Variants in CCNF observed in about 807,000 individuals in gnomAD.
The protein encoded by CCNF is cyclin F, also known as cyclin-F.
CCNF carries 30 observed loss-of-function variants against 85.4 expected under a neutral mutation model. That is an observed-to-expected ratio of 0.35 (90% CI 0.26 to 0.48). The LOEUF is 0.48. CCNF is among the 20% of genes least tolerant of loss of function. CCNF has a pLI of 0.99. For synonymous variants in CCNF, 439 were observed against 425.1 expected, an observed-to-expected ratio of 1.03 and a Z score of -0.40; for missense variants, 919 against 1,010.4, an observed-to-expected ratio of 0.91 and a Z score of 1.23.
At chr16:2,438,384 A>C (rs775708444) in intron 6 of CCNF, among the ~76,000 whole-genome samples, 10 of 152,164 alleles carry the variant, frequency 6.6e-5, no homozygotes, top group Non-Finnish European at 1.0e-4. Context: ...TCGAACCTCG[A>C]TGCTCACTCG....
At chr16:2,450,975 C>A (rs960163925) in intron 13 of CCNF, among the ~76,000 whole-genome samples, 4 of 152,220 alleles carry the variant, frequency 2.6e-5, no homozygotes, top group Middle Eastern at 3.2e-3. Flanking sequence ...CCGGATGTGA[C>A]CCCCTGTCTG....
chr16:2,456,443 G>A lies in CCNF; in HGVS notation c.1886-102G>A, dbSNP rs542637539. 2 of 758,400 alleles carry A rather than the reference G, an allele frequency of 2.6e-6. No individual in the cohort carries two copies. The highest frequency in any genetic ancestry group is 5.6e-5 in the East Asian group (2 of 35,838). The allele number at this position is 758,400 out of a possible 1,614,324, so 47.0% of individuals were successfully genotyped here. On this transcript the variant is annotated intron_variant, in intron 16 of 16. Coordinates refer to ENST00000397066, the MANE Select transcript of CCNF (RefSeq NM_001761.3). This position sits in a 1 kb window ranked among gnomAD's most constrained non-coding sequence, Gnocchi z 4.5. Reference sequence around the variant, plus strand: ...GGGTAACACAGGGGACCGTAGCAAGGTAGAAGATTCTTGACCTGGACTTCA... The same window carrying A: ...GGGTAACACAGGGGACCGTAGCAAGATAGAAGATTCTTGACCTGGACTTCA...
rs28754702 is a variant in CCNF at position 2,451,673 on chromosome 16, C to T, written c.1488-1537C>T. Among the ~76,000 whole-genome samples, 7,427 of 152,232 alleles carry T rather than the reference C, an allele frequency of 0.049. 242 individuals are homozygous for T. Among genetic ancestry groups the T allele is most frequent in the Non-Finnish European group, 0.071 (4,829 of 67,984 alleles). On this transcript the variant is annotated intron_variant, in intron 13 of 16. Transcript: ENST00000397066. The surrounding 1 kb of genome is among the most constrained non-coding windows in gnomAD (Gnocchi z 4.3). ...TCAAGGGATTCTTTTGTGTCAGCCT[C>T]CCGAGTAGCAGAAACCACAGGCACC... is the stretch of plus-strand genomic sequence containing the variant.
In CCNF at chr16:2,456,525, C is replaced by T. The variant is rs1328471450; in HGVS notation, c.1886-20C>T. ...TGCTTGGGTGTGACATGACTTCCCT[C>T]CCCACCAACCTTCCTGCAGTGACAG... is the stretch of plus-strand genomic sequence containing the variant. On this transcript the variant is annotated intron_variant, in intron 16 of 16. Coordinates refer to ENST00000397066, the MANE Select transcript of CCNF (RefSeq NM_001761.3). The surrounding 1 kb of genome is among the most constrained non-coding windows in gnomAD (Gnocchi z 4.5). 1 of 1,499,928 alleles carries T rather than the reference C, an allele frequency of 6.7e-7. No homozygotes were observed. Among genetic ancestry groups the T allele is most frequent in the Non-Finnish European group, 8.9e-7 (1 of 1,122,622 alleles). 92.9% of individuals were successfully genotyped at this position (1,499,928 alleles called of 1,614,324 possible). A position where few individuals can be genotyped will look rare whatever the true frequency, so the allele number is the denominator to read the frequency against.
chr16:2,434,915 T>A (rs1179671999), intron 3 of CCNF, among the ~76,000 whole-genome samples: 11 of 152,224 alleles, frequency 7.2e-5, no homozygotes, highest in Non-Finnish European at 1.5e-5. Flanking sequence ...AAGGTTCATC[T>A]GTGTCATAGC....
Position 2,456,690 on chromosome 16 carries a change from C to T in CCNF, c.2031C>T (p.Ile677=). The change falls in exon 17 of 17, where the codon ATC becomes ATT. Residue 677 remains isoleucine, a synonymous_variant. Transcript: ENST00000397066. The surrounding 1 kb of genome is among the most constrained non-coding windows in gnomAD (Gnocchi z 4.5). The part of the protein sequence containing the change: ...DPQALALDTQ[I]PATPGPKPLV... ...AGGCACTGGCGCTGGACACCCAGAT[C>T]CCTGCAACCCCTGGACCCAAACCCC... 1 of 1,613,482 alleles carries T rather than the reference C, an allele frequency of 6.2e-7. No individual in the cohort carries two copies. The highest frequency in any genetic ancestry group is 8.5e-7 in the Non-Finnish European group (1 of 1,179,852).
rs1379820242 is a variant in CCNF, at chr16:2,451,984, G to A, written c.1488-1226G>A. On this transcript the variant is annotated intron_variant, in intron 13 of 16. Transcript: ENST00000397066. The surrounding 1 kb of genome is among the most constrained non-coding windows in gnomAD (Gnocchi z 4.3). ...CCTGTTCTGGCCCTGGTGGGTCGTG[G>A]TGCATGAAGCCCTGTGTGCCCAGCT... Among the ~76,000 whole-genome samples the A allele has an allele frequency of 1.3e-5, 2 of 152,336 alleles. No individual in the cohort carries two copies. Among genetic ancestry groups the A allele is most frequent in the Non-Finnish European group, 1.5e-5 (1 of 68,032 alleles).
chr16:2,456,609 C>T lies in CCNF; in HGVS notation c.1950C>T (p.Cys650=). The stretch of plus-strand genomic sequence containing the variant: ...ACCTGAACCCAGAACAGCATTGCTG[C>T]CAGGAATCCAGTGATGAGGAGGCTT... ...VVYLNPEQHC[C]QESSDEEACP... is the part of the protein sequence containing the mutation. The change falls in exon 17 of 17, where the codon TGC becomes TGT. Residue 650 remains cysteine, a synonymous_variant. Coordinates refer to ENST00000397066, the MANE Select transcript of CCNF (RefSeq NM_001761.3). This position sits in a 1 kb window ranked among gnomAD's most constrained non-coding sequence, Gnocchi z 4.5. 1 of 1,602,382 alleles carries T rather than the reference C, an allele frequency of 6.2e-7. No homozygotes were observed. The highest frequency in any genetic ancestry group is 8.5e-7 in the Non-Finnish European group (1 of 1,175,502).
Position 2,439,454 on chromosome 16 carries a change from AGAT to A in CCNF, c.698_699+1del. The A allele has an allele frequency of 6.2e-7, 1 of 1,603,774 alleles. No homozygotes were observed. The highest frequency in any genetic ancestry group is 8.5e-7 in the Non-Finnish European group (1 of 1,173,014). Reference sequence around the variant, plus strand: ...TCCTCTGGGAAAGCGACAGGAGGACAGATGTGAGTGGTGCCTGCTCTGGGTCGG... The same window carrying A: ...TCCTCTGGGAAAGCGACAGGAGGACAGTGAGTGGTGCCTGCTCTGGGTCGG... On this transcript the variant is annotated inframe_deletion and splice_region_variant, in exon 7 of 17. Coordinates refer to ENST00000397066, the MANE Select transcript of CCNF (RefSeq NM_001761.3).
Position 2,453,084 on chromosome 16 carries a change from G to A in CCNF, c.1488-126G>A. 2.6e-6 allele frequency: 2 copies of A among 769,564 alleles called. No homozygotes were observed. Among genetic ancestry groups the A allele is most frequent in the African/African-American group, 1.7e-5 (1 of 58,434 alleles). The allele number at this position is 769,564 out of a possible 1,614,324, so 47.7% of individuals were successfully genotyped here. The stretch of plus-strand genomic sequence containing the variant: ...TGGTGACTGAGTTTAACCATTCGGG[G>A]AACTGCCAGGTCAGATTCCAGAGTG... On this transcript the variant is annotated intron_variant, in intron 13 of 16. Transcript: ENST00000397066. This position sits in a 1 kb window ranked among gnomAD's most constrained non-coding sequence, Gnocchi z 5.6.
At chr16:2,434,864 G>T (rs1033801162) in intron 3 of CCNF, among the ~76,000 whole-genome samples, 5 of 152,148 alleles carry the variant, frequency 3.3e-5, no homozygotes, top group African/African-American at 1.2e-4. Context: ...GCAACACGTG[G>T]TCTTTCGTGG....
Position 2,433,038 on chromosome 16 carries a change from G to C in CCNF, c.249G>C (p.Pro83=). 6.2e-7 allele frequency: 1 copy of C among 1,610,304 alleles called. No homozygotes were observed. The highest frequency in any genetic ancestry group is 1.1e-5 in the South Asian group (1 of 90,750). ...GTGCCAGCTTCCAGGAGCTGTGGCCGTCTCCAGGGAACCTGAAGCTCTTTG... is the reference window on the plus strand; with the variant it reads ...GTGCCAGCTTCCAGGAGCTGTGGCCCTCTCCAGGGAACCTGAAGCTCTTTG... The part of the protein sequence containing the change: ...WACASFQELW[P]SPGNLKLFER... Residue 83 remains proline, a synonymous_variant, in exon 3 of 17, where the codon CCG becomes CCC. Coordinates refer to ENST00000397066, the MANE Select transcript of CCNF (RefSeq NM_001761.3).
At chr16:2,440,827 G>A (rs1237139375) in intron 8 of CCNF, among the ~76,000 whole-genome samples, 9 of 152,164 alleles carry the variant, frequency 5.9e-5, no homozygotes, top group Non-Finnish European at 1.3e-4. Context: ...GATGGCTCAC[G>A]CCTGCAATCC....
rs1006958724 is a variant in CCNF, at chr16:2,451,084, C to T, written c.1487+1169C>T. Among the ~76,000 whole-genome samples, 4 of 152,254 alleles carry T rather than the reference C, an allele frequency of 2.6e-5. No homozygotes were observed. The highest frequency in any genetic ancestry group is 5.9e-5 in the Non-Finnish European group (4 of 68,048). The stretch of plus-strand genomic sequence containing the variant: ...CTCGCCACATCTAAGCCCCTTCACT[C>T]GCCCTGGCAGCTTCCCTTCAGCCCA... On this transcript the variant is annotated intron_variant, in intron 13 of 16. Coordinates refer to ENST00000397066, the MANE Select transcript of CCNF (RefSeq NM_001761.3). The surrounding 1 kb of genome is among the most constrained non-coding windows in gnomAD (Gnocchi z 4.3).
Position 2,453,060 on chromosome 16 carries a change from G to A in CCNF, c.1488-150G>A, listed in dbSNP as rs2065403545. The A allele has an allele frequency of 4.4e-6, 3 of 682,250 alleles. No individual in the cohort carries two copies. The highest frequency in any genetic ancestry group is 7.9e-6 in the Non-Finnish European group (3 of 378,038). 42.3% of individuals were successfully genotyped at this position (682,250 alleles called of 1,614,324 possible). A position where few individuals can be genotyped will look rare whatever the true frequency, so the allele number is the denominator to read the frequency against. ...CTAGAGAGGAATTGCTAGGTCCTGTGGTGACTGAGTTTAACCATTCGGGGA... is the reference window on the plus strand; with the variant it reads ...CTAGAGAGGAATTGCTAGGTCCTGTAGTGACTGAGTTTAACCATTCGGGGA... On this transcript the variant is annotated intron_variant, in intron 13 of 16. Coordinates refer to ENST00000397066, the MANE Select transcript of CCNF (RefSeq NM_001761.3). This position sits in a 1 kb window ranked among gnomAD's most constrained non-coding sequence, Gnocchi z 5.6.
intron 15 of CCNF, among the ~76,000 whole-genome samples, chr16:2,454,450 T>C (rs2065413404): frequency 6.6e-6 from 1 of 152,220 alleles, no homozygotes; most frequent in Non-Finnish European, 1.5e-5. Context: ...CCTGGCCCTG[T>C]GCTCAGCCTC....
At chr16:2,430,875 A>G (rs1050277985) in intron 1 of CCNF, 26 of 624,310 alleles carry the variant, frequency 4.2e-5, no homozygotes, top group Non-Finnish European at 1.8e-5. Flanking sequence ...GCCAAGTTAC[A>G]TGACATGCGC....
chr16:2,450,032 C>G, intron 13 of CCNF, 117 bp downstream of exon 13: 1 of 744,470 alleles, frequency 1.3e-6, no homozygotes, highest in South Asian at 1.4e-5. Flanking sequence ...CATGGTGAAA[C>G]CCCACCTCTA....
intron 10 of CCNF, among the ~76,000 whole-genome samples, chr16:2,448,511 A>G (rs1380423108): frequency 6.6e-6 from 1 of 152,122 alleles, no homozygotes; most frequent in Non-Finnish European, 1.5e-5. Context: ...GGCTTAAGCA[A>G]TCCTCCCACC....
Sources: allele counts gnomAD v4.1 joint callset (sites outside exome capture counted in the v4.1 genomes callset), GRCh38; gene constraint gnomAD v4.1.1; non-coding constraint Gnocchi (gnomAD v3.1); transcripts MANE v1.5; gene names NCBI Gene and HGNC (gene_info 2026-07-23, HGNC 2026-07-21).